The following TTLL5 variants were observed in gnomAD, a reference collection of about 807,000 sequenced individuals.
TTLL5 encodes tubulin tyrosine ligase like 5.
A neutral mutation model predicts 168.4 loss-of-function variants in TTLL5; 132 were observed. The observed-to-expected ratio is 0.78, with a 90% CI of 0.68 to 0.91. TTLL5 has a LOEUF of 0.91. Ranked by LOEUF, TTLL5 falls within the 40% of genes least tolerant of loss-of-function variation. The probability of loss-of-function intolerance (pLI) is 0.00; values close to 1 mark genes in which losing one functional copy is unlikely to be tolerated. For synonymous variants in TTLL5, 546 were observed against 558.6 expected, an observed-to-expected ratio of 0.98 and a Z score of 0.32; for missense variants, 1,545 against 1,581.5, an observed-to-expected ratio of 0.98 and a Z score of 0.39.
intron 30 of TTLL5, 54 bp from the exon 31 acceptor site, chr14:75,902,088 C>T (rs553604848): frequency 1.3e-6 from 2 of 1,517,648 alleles, no homozygotes; most frequent in Non-Finnish European, 1.8e-6. Context: ...AGAGGTCCTG[C>T]ACCTGACCTC....
At chr14:75,692,631 A>G (rs1248196781) in intron 6 of TTLL5, among the ~76,000 whole-genome samples, 1 of 152,172 alleles carries the variant, frequency 6.6e-6, no homozygotes, top group Non-Finnish European at 1.5e-5. Context: ...GAAGTGGATA[A>G]AATGGATAGG....
At position 75,699,251 on chromosome 14, in the gene TTLL5, G is replaced by A. The variant is rs1406483835; in HGVS notation, c.566G>A (p.Gly189Asp). Residue 189 changes from glycine to aspartate, a missense_variant, in exon 7 of 32, where the codon GGC becomes GAC. Physicochemically the swap from Gly to Asp is moderately conservative, Grantham distance 94 (BLOSUM62 -1). Coordinates refer to ENST00000298832, the MANE Select transcript of TTLL5 (RefSeq NM_015072.5). The stretch of plus-strand genomic sequence containing the variant: ...CCAGTGGCATCTTCAAGGGGGCGGG[G>A]CGTCTACCTGATCAACAATGTAAGT... ...VKPVASSRGR[G>D]VYLINNPNQI... The A allele has an allele frequency of 1.2e-6, 2 of 1,613,848 alleles. No individual in the cohort carries two copies. The highest frequency in any genetic ancestry group is 1.3e-5 in the African/African-American group (1 of 74,906).
At chr14:75,891,941 A>G (rs980100930) in intron 30 of TTLL5, among the ~76,000 whole-genome samples, 2 of 152,206 alleles carry the variant, frequency 1.3e-5, no homozygotes, top group African/African-American at 4.8e-5. Context: ...ATTGCATCCA[A>G]TGTCTGCTGG....
intron 2 of TTLL5, 81 bp downstream of exon 2, chr14:75,663,304 C>G: frequency 7.6e-7 from 1 of 1,315,996 alleles, no homozygotes; most frequent in Non-Finnish European, 1.1e-6. Context: ...TTACTATATA[C>G]TCTTCTCTTT....
chr14:75,673,776 CT>C (rs1368873515), intron 3 of TTLL5, among the ~76,000 whole-genome samples: 1 of 152,152 alleles, frequency 6.6e-6, no homozygotes, highest in African/African-American at 2.4e-5. Flanking sequence ...GTTAGCATTG[CT>C]TCTGGGATTT....
intron 31 of TTLL5, among the ~76,000 whole-genome samples, chr14:75,950,195 G>A (rs1453651387): frequency 3.9e-5 from 6 of 152,162 alleles, no homozygotes; most frequent in South Asian, 2.1e-4. Flanking sequence ...CAATAATAAC[G>A]TTAGGACAAT....
In TTLL5 at chr14:75,781,096, C is replaced by T. The variant is rs181941348; in HGVS notation, c.2516-1391C>T. 3.3e-5 allele frequency among the ~76,000 whole-genome samples: 5 copies of T among 152,100 alleles called. No individual in the cohort carries two copies. The East Asian group carries it at 5.8e-4, about 18-fold the overall frequency. On this transcript the variant is annotated intron_variant, in intron 24 of 31. Coordinates refer to ENST00000298832, the MANE Select transcript of TTLL5 (RefSeq NM_015072.5). ...GTAATAAGGTTGGAATAGAGAAAAG[C>T]GTGCTAATTTGGGGAGGTAGGGGCC...
intron 28 of TTLL5, among the ~76,000 whole-genome samples, chr14:75,863,053 C>T (rs1053346489): frequency 6.6e-6 from 1 of 152,184 alleles, no homozygotes; most frequent in Non-Finnish European, 1.5e-5. Flanking sequence ...CCTTCGCCTT[C>T]CTCAGGTGTA....
intron 31 of TTLL5, among the ~76,000 whole-genome samples, chr14:75,953,360 T>C (rs574560365): frequency 6.6e-6 from 1 of 152,190 alleles, no homozygotes; most frequent in Non-Finnish European, 1.5e-5. Flanking sequence ...AAGATCCAAG[T>C]GTTTATGGCC....
chr14:75,801,532 C>T (rs1893325714), intron 27 of TTLL5, among the ~76,000 whole-genome samples: 1 of 151,848 alleles, frequency 6.6e-6, no homozygotes, highest in Non-Finnish European at 1.5e-5. Context: ...CTGTAGTCAC[C>T]CTGTTGTGCT....
chr14:75,860,168 C>T (rs1248680952), intron 28 of TTLL5, among the ~76,000 whole-genome samples: 1 of 152,204 alleles, frequency 6.6e-6, no homozygotes, highest in Non-Finnish European at 1.5e-5. Flanking sequence ...CACATCCTTT[C>T]TTATCCATAA....
intron 31 of TTLL5, chr14:75,906,696 G>A (rs962398344): frequency 3.0e-6 from 3 of 985,698 alleles, no homozygotes; most frequent in African/African-American, 1.7e-5. Context: ...AAGAATAAGA[G>A]CATATTTTTA....
intron 3 of TTLL5, among the ~76,000 whole-genome samples, chr14:75,673,799 C>T (rs545242698): frequency 7.0e-4 from 107 of 152,302 alleles, no homozygotes; most frequent in Middle Eastern, 3.4e-3. Flanking sequence ...AATCCTCCTT[C>T]CTCCCCAAGG....
chr14:75,803,833 A>G (rs1893484604), intron 27 of TTLL5, among the ~76,000 whole-genome samples: 1 of 152,210 alleles, frequency 6.6e-6, no homozygotes, highest in Non-Finnish European at 1.5e-5. Context: ...GGTTATTGCC[A>G]TTAGTGAACA....
chr14:75,870,250 C>A (rs965093593), intron 29 of TTLL5, among the ~76,000 whole-genome samples: 9 of 146,096 alleles, frequency 6.2e-5, no homozygotes, highest in African/African-American at 2.0e-4. Flanking sequence ...GACGTCATCC[C>A]AATTACCTCA....
At chr14:75,684,370 A>G (rs894968047) in intron 5 of TTLL5, 2 of 152,220 alleles carry the variant, frequency 1.3e-5, no homozygotes, top group Non-Finnish European at 2.9e-5. Context: ...CAGGGTTCCA[A>G]AGAAAGGTAG....
intron 31 of TTLL5, among the ~76,000 whole-genome samples, chr14:75,942,409 A>C (rs1179226526): frequency 2.6e-5 from 4 of 152,332 alleles, no homozygotes; most frequent in Non-Finnish European, 4.4e-5. Flanking sequence ...AAATATTTAT[A>C]AGGCAAAATG....
At chr14:75,686,696 T>C (rs916123452) in intron 5 of TTLL5, among the ~76,000 whole-genome samples, 9 of 152,226 alleles carry the variant, frequency 5.9e-5, no homozygotes, top group Non-Finnish European at 1.2e-4. Context: ...ACATTCTACT[T>C]AGAATTAACT....
chr14:75,680,870 G>A (rs1280882878), intron 3 of TTLL5, among the ~76,000 whole-genome samples: 2 of 151,812 alleles, frequency 1.3e-5, no homozygotes, highest in African/African-American at 2.4e-5. Context: ...CAGGTGATCC[G>A]CCCACCTTGG....
Sources: gnomAD v4.1 joint callset for allele counts (sites outside exome capture counted in the v4.1 genomes callset) on GRCh38, gnomAD v4.1.1 for gene constraint, MANE v1.5 for transcripts, NCBI Gene and HGNC (gene_info 2026-07-23, HGNC 2026-07-21) for gene names.